NPAS3: variants seen among roughly 807,000 people sequenced by gnomAD.
NPAS3 encodes the protein neuronal PAS domain protein 3, also known as neuronal PAS domain-containing protein 3.
A neutral mutation model predicts 73.1 loss-of-function variants in NPAS3; 14 were observed. The observed-to-expected ratio is 0.19, with a 90% CI of 0.13 to 0.30. The LOEUF (loss-of-function observed/expected upper bound fraction) is 0.30, where lower values mean the gene tolerates loss of function less well. Among genes scored for constraint, NPAS3 ranks in the 10% least tolerant of loss-of-function variants. The pLI is 1.00. For missense variants in NPAS3, 1,096 were observed against 1,250.0 expected (o/e 0.88, Z 1.86); for synonymous variants, 620 against 541.5 (o/e 1.14, Z -2.01).
chr14:33,802,249 G>T (rs563369206), downstream of NPAS3: 1 of 151,680 alleles, frequency 6.6e-6, no homozygotes, highest in South Asian at 2.1e-4. Flanking sequence ...TGGGGGGACT[G>T]GTTTGATTTG....
intron 5 of NPAS3, among the ~76,000 whole-genome samples, chr14:33,657,702 T>C (rs1311793262): frequency 2.6e-5 from 4 of 152,206 alleles, no homozygotes; most frequent in Non-Finnish European, 5.9e-5. Flanking sequence ...AACACTATGC[T>C]GGCTGCCCTT....
At chr14:33,338,408 G>T (rs1390266522) in intron 3 of NPAS3, among the ~76,000 whole-genome samples, 1 of 152,150 alleles carries the variant, frequency 6.6e-6, no homozygotes, top group African/African-American at 2.4e-5. Flanking sequence ...CTTTGTGTCT[G>T]TAATGTTACT....
intron 11 of NPAS3, among the ~76,000 whole-genome samples, chr14:33,798,977 C>CAAAAAAA (rs35096703): frequency 1.6e-4 from 17 of 106,130 alleles, no homozygotes; most frequent in East Asian, 8.8e-4. Context: ...CCTGTCTCTA[C>CAAAAAAA]AAAAAAAAAA....
intron 1 of NPAS3, among the ~76,000 whole-genome samples, chr14:32,949,823 A>G (rs1199863698): frequency 1.3e-5 from 2 of 152,098 alleles, no homozygotes; most frequent in East Asian, 3.9e-4. Context: ...TCATATTACT[A>G]ATTATATCAC....
intron 2 of NPAS3, among the ~76,000 whole-genome samples, chr14:33,105,051 T>G (rs2042682997): frequency 6.6e-6 from 1 of 152,170 alleles, no homozygotes; most frequent in Non-Finnish European, 1.5e-5. Flanking sequence ...AAGCATCTAC[T>G]ATATCTTGGA....
chr14:33,466,072 C>T (rs1246020871), intron 4 of NPAS3, among the ~76,000 whole-genome samples: 1 of 152,130 alleles, frequency 6.6e-6, no homozygotes, highest in Admixed American at 6.5e-5. Context: ...GCACAATGAG[C>T]ATGCGCTTGA....
chr14:33,428,575 A>G (rs993804408), intron 4 of NPAS3, among the ~76,000 whole-genome samples: 1 of 152,122 alleles, frequency 6.6e-6, no homozygotes, highest in Non-Finnish European at 1.5e-5. Flanking sequence ...TCCAGCAACT[A>G]ATTTAATCTG....
intron 8 of NPAS3, among the ~76,000 whole-genome samples, chr14:33,776,888 T>C (rs2062837854): frequency 6.6e-6 from 1 of 152,208 alleles, no homozygotes; most frequent in South Asian, 2.1e-4. Context: ...CTAGTCGCAT[T>C]CACCACAGTA....
intron 1 of NPAS3, among the ~76,000 whole-genome samples, chr14:33,043,554 T>C (rs1293222317): frequency 6.6e-6 from 1 of 152,158 alleles, no homozygotes; most frequent in African/African-American, 2.4e-5. Context: ...CCAGAGCATT[T>C]GCCTAACTCT....
chr14:33,215,477 G>A, intron 3 of NPAS3, 51 bp downstream of exon 3: 1 of 1,593,742 alleles, frequency 6.3e-7, no homozygotes, highest in Non-Finnish European at 8.6e-7. Context: ...GTAGGGGTCT[G>A]TAAGACAAAA....
At chr14:33,256,147 C>T (rs1457558043) in intron 3 of NPAS3, among the ~76,000 whole-genome samples, 3 of 152,086 alleles carry the variant, frequency 2.0e-5, no homozygotes, top group Non-Finnish European at 4.4e-5. Flanking sequence ...TAAAGCCTGA[C>T]CACCAAAGTT....
At chr14:33,152,948 T>A (rs1348379764) in intron 2 of NPAS3, among the ~76,000 whole-genome samples, 1 of 152,166 alleles carries the variant, frequency 6.6e-6, no homozygotes, top group Non-Finnish European at 1.5e-5. Flanking sequence ...AATTTTTTGA[T>A]GATTTTCAAA....
intron 4 of NPAS3, among the ~76,000 whole-genome samples, chr14:33,394,570 A>G (rs2047142676): frequency 6.6e-6 from 1 of 152,198 alleles, no homozygotes; most frequent in South Asian, 2.1e-4. Context: ...GTTAATAGCT[A>G]GAACTTTTTT....
intron 3 of NPAS3, among the ~76,000 whole-genome samples, chr14:33,278,176 T>C (rs2041423844): frequency 6.6e-6 from 1 of 152,060 alleles, no homozygotes; most frequent in Non-Finnish European, 1.5e-5. Context: ...ACACACGAGT[T>C]TGGAATGGAG....
At chr14:33,239,420 A>C (rs1181930938) in intron 3 of NPAS3, among the ~76,000 whole-genome samples, 1 of 151,908 alleles carries the variant, frequency 6.6e-6, no homozygotes, top group Non-Finnish European at 1.5e-5. Context: ...TTTTAGTAGA[A>C]GACAGATAAC....
chr14:33,228,354 T>C (rs1441746773), intron 3 of NPAS3, among the ~76,000 whole-genome samples: 4 of 152,126 alleles, frequency 2.6e-5, no homozygotes, highest in Non-Finnish European at 4.4e-5. Flanking sequence ...TAACGAGACA[T>C]GTAGAAGTTG....
At chr14:33,327,733 G>T (rs77873379) in intron 3 of NPAS3, among the ~76,000 whole-genome samples, 1,799 of 152,228 alleles carry the variant, frequency 0.012, 33 homozygotes, top group African/African-American at 0.041. Flanking sequence ...AAAAAAATTA[G>T]ATGAGTAAAA....
chr14:33,110,083 T>C (rs1220624875), intron 2 of NPAS3, among the ~76,000 whole-genome samples: 1 of 152,158 alleles, frequency 6.6e-6, no homozygotes, highest in Non-Finnish European at 1.5e-5. Flanking sequence ...GATATATTTA[T>C]AACATATTAC....
At chr14:33,094,951 AT>A (rs1216879429) in intron 2 of NPAS3, among the ~76,000 whole-genome samples, 1 of 152,166 alleles carries the variant, frequency 6.6e-6, no homozygotes, top group Non-Finnish European at 1.5e-5. Flanking sequence ...GAAAGATTTA[AT>A]GGATATGGTT....
Sources: allele counts gnomAD v4.1 joint callset (sites outside exome capture counted in the v4.1 genomes callset), GRCh38; gene constraint gnomAD v4.1.1; transcripts MANE v1.5; gene names NCBI Gene and HGNC (gene_info 2026-07-23, HGNC 2026-07-21).